FBXO40: variants seen among roughly 807,000 people sequenced by gnomAD.
The protein encoded by FBXO40 is F-box protein 40.
Under a neutral mutation model 49.9 loss-of-function variants are expected in FBXO40, and 50 were observed. That is an observed-to-expected ratio of 1.00 (90% CI 0.80 to 1.27). FBXO40 has a LOEUF of 1.27. Ranked by LOEUF, FBXO40 falls within the 50% of genes most tolerant of loss-of-function variation. FBXO40 has a pLI of 0.00. For missense variants in FBXO40, 895 were observed against 870.1 expected (o/e 1.03, Z -0.36); for synonymous variants, 340 against 320.2 (o/e 1.06, Z -0.66).
At position 121,627,269 on chromosome 3, in the gene FBXO40, G is replaced by T; in HGVS notation, c.*359G>T. 1 of 219,706 alleles carries T rather than the reference G, an allele frequency of 4.6e-6. No individual in the cohort carries two copies. The highest frequency in any genetic ancestry group is 5.2e-5 in the Admixed American group (1 of 19,146). The allele number at this position is 219,706 out of a possible 1,614,324, so 13.6% of individuals were successfully genotyped here. On this transcript the variant is annotated 3_prime_UTR_variant, in exon 4 of 4. Coordinates refer to ENST00000338040, the MANE Select transcript of FBXO40 (RefSeq NM_016298.4). ...AGCACGAAATTCCATAACCAGTACA[G>T]GCCTGTGCTTTTACATGGGCTTTTT...
At position 121,628,720 on chromosome 3, in the gene FBXO40, T is replaced by C. The variant is rs541199401; in HGVS notation, c.*1810T>C. 2.0e-5 allele frequency: 3 copies of C among 152,308 alleles called. No individual in the cohort carries two copies. Among genetic ancestry groups the C allele is most frequent in the Admixed American group, 6.5e-5 (1 of 15,288 alleles). 9.4% of individuals were successfully genotyped at this position (152,308 alleles called of 1,614,324 possible). A position where few individuals can be genotyped will look rare whatever the true frequency, so the allele number is the denominator to read the frequency against. ...TCTTATCGCACATAGCTATCCACAA[T>C]AGTTATGATTTAATGCAGCTCTTTA... On this transcript the variant is annotated 3_prime_UTR_variant, in exon 4 of 4. Coordinates refer to ENST00000338040, the MANE Select transcript of FBXO40 (RefSeq NM_016298.4).
At position 121,622,524 on chromosome 3, in the gene FBXO40, T is replaced by C. The variant is rs1457611176; in HGVS notation, c.1095T>C (p.Asp365=). Residue 365 remains aspartate, a synonymous_variant, in exon 3 of 4, where the codon GAT becomes GAC. Transcript: ENST00000338040. ...GTGGAAAGCGAGCTCGACTTGGAGA[T>C]GCCATGTTGAGTTGTAAGCCAAGTG... ...SYCGKRARLG[D]AMLSCKPSEH... is the part of the protein sequence containing the mutation. 6 of 1,614,108 alleles carry C rather than the reference T, an allele frequency of 3.7e-6. No individual in the cohort carries two copies. The African/African-American group carries it at 8.0e-5, about 22-fold the overall frequency.
chr3:121,605,991 T>C (rs556780281), intron 1 of FBXO40, among the ~76,000 whole-genome samples: 2 of 152,260 alleles, frequency 1.3e-5, no homozygotes, highest in East Asian at 3.9e-4. Context: ...AAAGGAAGGA[T>C]AGAAGCCCCA....
Position 121,627,210 on chromosome 3 carries a change from T to C in FBXO40, c.*300T>C. 2.8e-6 allele frequency: 1 copy of C among 363,408 alleles called. No individual in the cohort carries two copies. Among genetic ancestry groups the C allele is most frequent in the South Asian group, 3.0e-5 (1 of 33,178 alleles). The allele number at this position is 363,408 out of a possible 1,614,324, so 22.5% of individuals were successfully genotyped here. A position where few individuals can be genotyped will look rare whatever the true frequency, so the allele number is the denominator to read the frequency against. ...AGAAAATAAGTAATTTGAGGCCATTTGGAAGATGGGCCCAATTTCTTAAGT... is the reference window on the plus strand; with the variant it reads ...AGAAAATAAGTAATTTGAGGCCATTCGGAAGATGGGCCCAATTTCTTAAGT... On this transcript the variant is annotated 3_prime_UTR_variant, in exon 4 of 4. Coordinates refer to ENST00000338040, the MANE Select transcript of FBXO40 (RefSeq NM_016298.4).
intron 1 of FBXO40, among the ~76,000 whole-genome samples, chr3:121,617,067 C>A (rs1037784223): frequency 2.6e-5 from 4 of 151,928 alleles, no homozygotes; most frequent in Non-Finnish European, 4.4e-5. Context: ...TATGAACAGA[C>A]AGAGAAAACA....
chr3:121,601,331 C>T (rs533774400), intron 1 of FBXO40, among the ~76,000 whole-genome samples: 1 of 152,196 alleles, frequency 6.6e-6, no homozygotes, highest in East Asian at 1.9e-4. Flanking sequence ...TGCCTTTCTG[C>T]TCTGTACATG....
intron 3 of FBXO40, among the ~76,000 whole-genome samples, chr3:121,624,005 T>C (rs1312809133): frequency 1.5e-5 from 2 of 133,472 alleles, no homozygotes; most frequent in Non-Finnish European, 3.2e-5. Context: ...TTTTTTTTTT[T>C]CTGAGATGGA....
At chr3:121,620,934 T>C (rs1300948007) in intron 2 of FBXO40, among the ~76,000 whole-genome samples, 1 of 152,172 alleles carries the variant, frequency 6.6e-6, no homozygotes, top group Non-Finnish European at 1.5e-5. Context: ...AAACCAGACA[T>C]GGCTGCTGTC....
intron 1 of FBXO40, among the ~76,000 whole-genome samples, chr3:121,610,714 A>C (rs975575674): frequency 2.0e-5 from 3 of 152,014 alleles, no homozygotes; most frequent in Non-Finnish European, 4.4e-5. Context: ...ATCTTGGCTC[A>C]CTGCAACCTC....
intron 1 of FBXO40, among the ~76,000 whole-genome samples, chr3:121,597,363 C>T (rs777353762): frequency 2.7e-5 from 4 of 150,894 alleles, no homozygotes; most frequent in Admixed American, 6.6e-5. Flanking sequence ...TAAAGGGGGC[C>T]GAAAGTGGGG....
At position 121,626,700 on chromosome 3, in the gene FBXO40, G is replaced by A; in HGVS notation, c.1920G>A (p.Trp640Ter). The change falls in exon 4 of 4, where the codon TGG (tryptophan) becomes TGA (stop). Residue 640 changes from tryptophan to a stop codon, truncating the protein, a stop_gained. Coordinates refer to ENST00000338040, the MANE Select transcript of FBXO40 (RefSeq NM_016298.4). LOFTEE classifies it high-confidence loss of function. ...ACTTCTATCTTTCTCAACAGATCTG[G>A]CAGTTCAGCAGCCTCTTCTCCAAAA... ...GTSWRVHREI[W>*]QFSSLFSKIK... The A allele has an allele frequency of 6.2e-7, 1 of 1,614,016 alleles. No individual in the cohort carries two copies. The highest frequency in any genetic ancestry group is 8.5e-7 in the Non-Finnish European group (1 of 1,179,958).
chr3:121,600,679 G>T (rs2048897402), intron 1 of FBXO40, among the ~76,000 whole-genome samples: 1 of 152,208 alleles, frequency 6.6e-6, no homozygotes, highest in South Asian at 2.1e-4. Context: ...GTAGCAAAGA[G>T]TATAGAGTTT....
intron 1 of FBXO40, among the ~76,000 whole-genome samples, chr3:121,594,935 T>G (rs747984314): frequency 6.6e-6 from 1 of 152,234 alleles, no homozygotes; most frequent in Non-Finnish European, 1.5e-5. Context: ...CTGGAATAAC[T>G]GTATAGTGTT....
At chr3:121,614,917 GGCAAGTGAAAGAA>G (rs2048988520) in intron 1 of FBXO40, among the ~76,000 whole-genome samples, 1 of 152,192 alleles carries the variant, frequency 6.6e-6, no homozygotes, top group South Asian at 2.1e-4. Flanking sequence ...AAGGATTTGA[GGCAAGTGAAAGAA>G]GCACATTTGC....
At position 121,621,986 on chromosome 3, in the gene FBXO40, C is replaced by T. The variant is rs776402291; in HGVS notation, c.557C>T (p.Ser186Leu). ...ATCGGTTTGGTACCACATGGTCTGT[C>T]AGCAACTAATGGGGAGATGGCAGAG... Reference protein sequence around the residue: ...VDIGLVPHGLSATNGEMAELS... With the variant: ...VDIGLVPHGLLATNGEMAELS... The change falls in exon 3 of 4, where the codon TCA becomes TTA. Residue 186 changes from serine to leucine, a missense_variant. Coordinates refer to ENST00000338040, the MANE Select transcript of FBXO40 (RefSeq NM_016298.4). The T allele has an allele frequency of 6.2e-6, 10 of 1,614,030 alleles. No individual in the cohort carries two copies. The highest frequency in any genetic ancestry group is 1.3e-5 in the African/African-American group (1 of 74,908).
chr3:121,612,134 A>G (rs2048969508), intron 1 of FBXO40, among the ~76,000 whole-genome samples: 1 of 152,078 alleles, frequency 6.6e-6, no homozygotes, highest in Admixed American at 6.6e-5. Flanking sequence ...AAATTCATCT[A>G]TGAATTTTCC....
Position 121,623,006 on chromosome 3 carries a change from G to A in FBXO40, c.1577G>A (p.Arg526His), listed in dbSNP as rs144524810. ...LGCTFVQNHF[R>H]PPGQKAKVIY... ...TGTACATTTGTTCAAAACCATTTCC[G>A]TCCCCCAGGGCAAAAGGCAAAAGTA... The change falls in exon 3 of 4, where the codon CGT becomes CAT. Residue 526 changes from arginine (R) to histidine (H), a missense_variant. Transcript: ENST00000338040. 84 of 1,613,950 alleles carry A rather than the reference G, an allele frequency of 5.2e-5. No homozygotes were observed. The highest frequency in any genetic ancestry group is 2.1e-4 in the African/African-American group (16 of 74,878).
Position 121,622,348 on chromosome 3 carries a change from T to C in FBXO40, c.919T>C (p.Tyr307His), listed in dbSNP as rs140255370. ...RLKTAVDAKD[Y>H]NMYLVHNGRM... is the part of the protein sequence containing the mutation. ...GAAAACAGCTGTGGATGCAAAGGAC[T>C]ATAACATGTATCTAGTGCACAATGG... Residue 307 changes from tyrosine to histidine, a missense_variant, in exon 3 of 4, where the codon TAT (tyrosine) becomes CAT (histidine). Coordinates refer to ENST00000338040, the MANE Select transcript of FBXO40 (RefSeq NM_016298.4). 6.2e-6 allele frequency: 10 copies of C among 1,614,096 alleles called. No individual in the cohort carries two copies. The African/African-American group carries it at 1.3e-4, about 22-fold the overall frequency.
At chr3:121,606,464 G>C (rs1312969551) in intron 1 of FBXO40, among the ~76,000 whole-genome samples, 4 of 152,198 alleles carry the variant, frequency 2.6e-5, no homozygotes, top group Admixed American at 2.0e-4. Context: ...GGTCACTAGA[G>C]ACCCTTCCAT....
Sources: allele counts gnomAD v4.1 joint callset (sites outside exome capture counted in the v4.1 genomes callset), GRCh38; gene constraint gnomAD v4.1.1; transcripts MANE v1.5; gene names NCBI Gene and HGNC (gene_info 2026-07-23, HGNC 2026-07-21).